The following PTPRK variants were observed in gnomAD, a reference collection of about 807,000 sequenced individuals.
The protein encoded by PTPRK is receptor-type tyrosine-protein phosphatase kappa.
PTPRK carries 75 observed loss-of-function variants against 178.0 expected under a neutral mutation model. That is an observed-to-expected ratio of 0.42 (90% CI 0.35 to 0.51). The LOEUF (loss-of-function observed/expected upper bound fraction) is 0.51. Among genes scored for constraint, PTPRK ranks in the 20% least tolerant of loss-of-function variants. PTPRK has a pLI of 0.02. For synonymous variants in PTPRK, 637 were observed against 620.6 expected (o/e 1.03, Z -0.39); for missense variants, 1,441 against 1,797.8 (o/e 0.80, Z 3.59).
At chr6:128,172,271 T>A (rs1024720090) in intron 7 of PTPRK, among the ~76,000 whole-genome samples, 1 of 152,028 alleles carries the variant, frequency 6.6e-6, no homozygotes, top group African/African-American at 2.4e-5. Context: ...TCAGATGATA[T>A]TTGTACTGCT....
intron 12 of PTPRK, among the ~76,000 whole-genome samples, chr6:128,065,298 T>C (rs1781558198): frequency 2.6e-5 from 4 of 152,226 alleles, no homozygotes. Flanking sequence ...AATTTATCTG[T>C]TCTTTCTTTC....
At chr6:128,241,748 T>C (rs1165765394) in intron 4 of PTPRK, among the ~76,000 whole-genome samples, 1 of 152,062 alleles carries the variant, frequency 6.6e-6, no homozygotes, top group Non-Finnish European at 1.5e-5. Flanking sequence ...AAACTGTGTA[T>C]TAATAAACCG....
chr6:128,183,598 T>C (rs1802286860), intron 7 of PTPRK, among the ~76,000 whole-genome samples: 1 of 152,126 alleles, frequency 6.6e-6, no homozygotes, highest in Non-Finnish European at 1.5e-5. Flanking sequence ...AGCTCAGTAC[T>C]CCTGGTGGGT....
At chr6:128,022,431 C>T (rs1773665113) in intron 13 of PTPRK, among the ~76,000 whole-genome samples, 2 of 152,262 alleles carry the variant, frequency 1.3e-5, no homozygotes, top group South Asian at 4.1e-4. Flanking sequence ...AAGCAAGTGA[C>T]TTCATTTTTC....
At chr6:127,971,995 T>C (rs1414275481) in intron 29 of PTPRK, among the ~76,000 whole-genome samples, 2 of 152,044 alleles carry the variant, frequency 1.3e-5, no homozygotes, top group Non-Finnish European at 2.9e-5. Flanking sequence ...ACCAATGTAA[T>C]CTTGTGTAGA....
chr6:128,320,704 T>C (rs1828669253), intron 3 of PTPRK, among the ~76,000 whole-genome samples: 1 of 151,960 alleles, frequency 6.6e-6, no homozygotes, highest in Non-Finnish European at 1.5e-5. Context: ...ATTGTGAGAG[T>C]GACCTGGTGA....
At chr6:128,418,473 G>C (rs1843082635) in intron 1 of PTPRK, among the ~76,000 whole-genome samples, 1 of 152,164 alleles carries the variant, frequency 6.6e-6, no homozygotes, top group East Asian at 1.9e-4. Context: ...TGATAGAAGT[G>C]TGAACCCTAT....
chr6:127,976,057 G>A (rs1159634756), intron 27 of PTPRK, among the ~76,000 whole-genome samples: 2 of 152,064 alleles, frequency 1.3e-5, no homozygotes, highest in Admixed American at 6.6e-5. Context: ...AGAGAAAGAC[G>A]ATACAGTTAC....
At position 128,449,137 on chromosome 6, in the gene PTPRK, G is replaced by A. The variant is rs1847433532; in HGVS notation, c.101-51449C>T. 2.6e-5 allele frequency among the ~76,000 whole-genome samples: 4 copies of A among 152,120 alleles called. No homozygotes were observed. In the South Asian group the frequency reaches 8.3e-4, roughly 32 times the overall value. On this transcript the variant is annotated intron_variant, in intron 1 of 29. Transcript: ENST00000368226. ...GGCCTCCCAAAGTGCTGGGATTACA[G>A]GCATGAGCCACCGTGCCTGGCCCGC...
intron 9 of PTPRK, among the ~76,000 whole-genome samples, chr6:128,083,492 A>G (rs528723233): frequency 6.6e-6 from 1 of 152,128 alleles, no homozygotes; most frequent in Non-Finnish European, 1.5e-5. Flanking sequence ...GCAACAAAAA[A>G]CATGCATTTT....
intron 7 of PTPRK, among the ~76,000 whole-genome samples, chr6:128,152,472 T>G (rs1186669992): frequency 6.6e-6 from 1 of 151,306 alleles, no homozygotes. Context: ...GGTGAAATAG[T>G]CCAAGAACAG....
At chr6:128,318,247 T>C (rs1173300924) in intron 3 of PTPRK, among the ~76,000 whole-genome samples, 1 of 152,192 alleles carries the variant, frequency 6.6e-6, no homozygotes, top group Non-Finnish European at 1.5e-5. Flanking sequence ...TAGAGGCTTT[T>C]TATTCAAGTA....
At chr6:128,475,856 A>C (rs1403869098) in intron 1 of PTPRK, among the ~76,000 whole-genome samples, 2 of 152,002 alleles carry the variant, frequency 1.3e-5, no homozygotes, top group African/African-American at 2.4e-5. Context: ...AGCAGGAAGC[A>C]CTTCCTTTAA....
At chr6:128,513,509 G>T (rs1031770944) in intron 1 of PTPRK, among the ~76,000 whole-genome samples, 15 of 149,976 alleles carry the variant, frequency 1.0e-4, no homozygotes, top group East Asian at 5.9e-4. Flanking sequence ...AAGAAAGAAA[G>T]AAAGAAATAA....
intron 1 of PTPRK, among the ~76,000 whole-genome samples, chr6:128,509,411 T>C (rs968967825): frequency 6.6e-6 from 1 of 152,166 alleles, no homozygotes; most frequent in African/African-American, 2.4e-5. Context: ...ATTATACCAC[T>C]TTCCCCAACA....
intron 2 of PTPRK, among the ~76,000 whole-genome samples, chr6:128,360,933 C>A (rs117936091): frequency 0.02 from 3,019 of 152,166 alleles, 52 homozygotes; most frequent in Middle Eastern, 0.034. Flanking sequence ...TTCAGAAATA[C>A]TGAATTTTTT....
chr6:128,251,565 A>G (rs1816459630), intron 3 of PTPRK, among the ~76,000 whole-genome samples: 1 of 152,184 alleles, frequency 6.6e-6, no homozygotes, highest in Admixed American at 6.5e-5. Flanking sequence ...AGAGATTCTA[A>G]ATACCAACAT....
Position 127,983,369 on chromosome 6 carries a change from G to A in PTPRK, c.3260C>T (p.Ala1087Val). The A allele has an allele frequency of 1.2e-6, 2 of 1,612,552 alleles. No homozygotes were observed. Among genetic ancestry groups the A allele is most frequent in the Non-Finnish European group, 1.7e-6 (2 of 1,179,406 alleles). The stretch of plus-strand genomic sequence containing the variant: ...CACAATGTAGCAGCCAGTTCGTCCA[G>A]CACCAGCACTGAAAAACAATTAAAT... ...GPIVVHCSAG[A>V]GRTGCYIVID... The change falls in exon 23 of 30, where the codon GCT becomes GTT. Residue 1087 changes from alanine (A) to valine (V), a missense_variant. Coordinates refer to ENST00000368226, the MANE Select transcript of PTPRK (RefSeq NM_002844.4).
intron 1 of PTPRK, among the ~76,000 whole-genome samples, chr6:128,417,537 C>T (rs1014637350): frequency 6.6e-6 from 1 of 152,168 alleles, no homozygotes; most frequent in African/African-American, 2.4e-5. Context: ...AGGTACAGAT[C>T]ACTTTAATAC....
Sources: gnomAD v4.1 joint callset for allele counts (sites outside exome capture counted in the v4.1 genomes callset) on GRCh38, gnomAD v4.1.1 for gene constraint, MANE v1.5 for transcripts, NCBI Gene and HGNC (gene_info 2026-07-23, HGNC 2026-07-21) for gene names.